Variants in PPP1R9A observed in about 807,000 individuals in gnomAD.
PPP1R9A encodes the protein neurabin-1.
In PPP1R9A, 59 loss-of-function variants were observed where a neutral mutation model predicts 141.9. The observed-to-expected ratio is 0.42, with a 90% confidence interval of 0.34 to 0.52. The LOEUF is 0.52. PPP1R9A is among the 20% of genes least tolerant of loss of function. The probability of loss-of-function intolerance (pLI) is 0.10; values close to 1 mark genes in which losing one functional copy is unlikely to be tolerated. For missense variants in PPP1R9A, 1,444 were observed against 1,611.9 expected (o/e 0.90, Z 1.78); for synonymous variants, 500 against 569.7 (o/e 0.88, Z 1.74).
intron 4 of PPP1R9A, among the ~76,000 whole-genome samples, chr7:95,151,078 G>A (rs1282587828): frequency 1.3e-5 from 2 of 152,212 alleles, no homozygotes; most frequent in African/African-American, 4.8e-5. Context: ...AAATGGTACA[G>A]CCACTCTGGG....
intron 12 of PPP1R9A, among the ~76,000 whole-genome samples, chr7:95,261,086 A>G (rs1038332847): frequency 1.5e-4 from 23 of 152,192 alleles, no homozygotes; most frequent in African/African-American, 5.3e-4. Flanking sequence ...ATCTAAAAGT[A>G]TGAAGGAGAA....
chr7:95,134,749 G>C (rs544536643), intron 4 of PPP1R9A, among the ~76,000 whole-genome samples: 2 of 152,250 alleles, frequency 1.3e-5, no homozygotes, highest in South Asian at 2.1e-4. Flanking sequence ...TTAGACTCTT[G>C]ATAAGTATTC....
At chr7:94,969,333 G>A (rs1798594440) in intron 2 of PPP1R9A, among the ~76,000 whole-genome samples, 1 of 152,054 alleles carries the variant, frequency 6.6e-6, no homozygotes, top group African/African-American at 2.4e-5. Context: ...TTTCTGTGTG[G>A]ACGTCCTTTT....
chr7:95,169,061 A>G (rs1280840900), intron 5 of PPP1R9A, among the ~76,000 whole-genome samples: 1 of 152,112 alleles, frequency 6.6e-6, no homozygotes, highest in Non-Finnish European at 1.5e-5. Flanking sequence ...AGAAATCAGT[A>G]TATCAAAGAG....
At chr7:94,994,482 A>G (rs1801909293) in intron 2 of PPP1R9A, among the ~76,000 whole-genome samples, 1 of 152,228 alleles carries the variant, frequency 6.6e-6, no homozygotes, top group Admixed American at 6.5e-5. Context: ...TTTTTAAAAA[A>G]TGTACTTTTT....
chr7:94,954,456 A>G (rs1213107968), intron 2 of PPP1R9A, among the ~76,000 whole-genome samples: 1 of 151,884 alleles, frequency 6.6e-6, no homozygotes, highest in African/African-American at 2.4e-5. Context: ...ACTTAAGTCT[A>G]TATGTTGGAT....
In PPP1R9A at chr7:94,910,879, A is replaced by C; in HGVS notation, c.766A>C (p.Asn256His). Residue 256 changes from asparagine to histidine, a missense_variant, in exon 2 of 20, where the codon AAT becomes CAT. Transcript: ENST00000433360. This position sits in a 1 kb window ranked among gnomAD's most constrained non-coding sequence, Gnocchi z 4.5. Reference sequence around the variant, plus strand: ...CACATTTGGTCACCTGAAGGATTCTAATTCCTGGCCTCCTTCAAACAAGCG... The same window carrying C: ...CACATTTGGTCACCTGAAGGATTCTCATTCCTGGCCTCCTTCAAACAAGCG... ...LDTFGHLKDS[N>H]SWPPSNKRGV... 6.2e-7 allele frequency: 1 copy of C among 1,614,016 alleles called. No homozygotes were observed. The highest frequency in any genetic ancestry group is 8.5e-7 in the Non-Finnish European group (1 of 1,180,022).
At chr7:95,247,768 C>T (rs1201729602) in intron 9 of PPP1R9A, among the ~76,000 whole-genome samples, 1 of 152,010 alleles carries the variant, frequency 6.6e-6, no homozygotes, top group Non-Finnish European at 1.5e-5. Flanking sequence ...CATATGTGGC[C>T]TCTGAGATTT....
At chr7:94,981,344 A>G (rs928854220) in intron 2 of PPP1R9A, among the ~76,000 whole-genome samples, 3 of 152,154 alleles carry the variant, frequency 2.0e-5, no homozygotes, top group Admixed American at 6.5e-5. Context: ...GGTTCAAGCA[A>G]TTCTCCTGCC....
chr7:95,080,278 A>G (rs912787483), intron 2 of PPP1R9A, among the ~76,000 whole-genome samples: 1 of 152,148 alleles, frequency 6.6e-6, no homozygotes, highest in South Asian at 2.1e-4. Context: ...AATCACAAGC[A>G]TTCTTATACA....
At chr7:94,943,948 C>G (rs942696524) in intron 2 of PPP1R9A, among the ~76,000 whole-genome samples, 3 of 152,016 alleles carry the variant, frequency 2.0e-5, no homozygotes, top group Admixed American at 6.6e-5. Flanking sequence ...TTGTTATTCC[C>G]TTTGTTTGTA....
At position 95,295,008 on chromosome 7, in the gene PPP1R9A, CAGTG is replaced by C. The variant is rs1447476186; in HGVS notation, c.*4709_*4712del. The C allele has an allele frequency of 6.6e-6, 1 of 152,616 alleles. No homozygotes were observed. Among genetic ancestry groups the C allele is most frequent in the Non-Finnish European group, 1.5e-5 (1 of 68,040 alleles). The allele number at this position is 152,616 out of a possible 1,614,324, so 9.5% of individuals were successfully genotyped here. A position where few individuals can be genotyped will look rare whatever the true frequency, so the allele number is the denominator to read the frequency against. The stretch of plus-strand genomic sequence containing the variant: ...AACCCCAAAACTGCTAGGGATTCAA[CAGTG>C]AGTAAGATGTATGCAATAAGAGAAC... On this transcript the variant is annotated 3_prime_UTR_variant, in exon 20 of 20. Transcript: ENST00000433360.
At chr7:95,238,852 CTTA>C (rs1171134293) in intron 8 of PPP1R9A, among the ~76,000 whole-genome samples, 5 of 152,266 alleles carry the variant, frequency 3.3e-5, no homozygotes, top group African/African-American at 1.2e-4. Context: ...GAACCTGTCT[CTTA>C]TTATGCCTTT....
intron 10 of PPP1R9A, 24 bp from the exon 11 acceptor site, chr7:95,251,738 C>T (rs1798899505): frequency 6.3e-7 from 1 of 1,589,828 alleles, no homozygotes; most frequent in Admixed American, 1.7e-5. Flanking sequence ...ATGATATAAT[C>T]AGAACTATTA....
intron 2 of PPP1R9A, among the ~76,000 whole-genome samples, chr7:94,956,157 A>T (rs960885279): frequency 6.6e-6 from 1 of 152,088 alleles, no homozygotes; most frequent in African/African-American, 2.4e-5. Flanking sequence ...TAATTTTCTC[A>T]GACAGCCCAT....
At chr7:95,278,389 G>A (rs946604199) in intron 16 of PPP1R9A, among the ~76,000 whole-genome samples, 2 of 151,982 alleles carry the variant, frequency 1.3e-5, no homozygotes, top group African/African-American at 4.8e-5. Flanking sequence ...TAATATTTTG[G>A]GTTTGGAGGG....
intron 2 of PPP1R9A, among the ~76,000 whole-genome samples, chr7:94,916,725 T>C (rs553899783): frequency 2.0e-5 from 3 of 152,156 alleles, no homozygotes; most frequent in Non-Finnish European, 4.4e-5. Context: ...TTTGCAAGTG[T>C]AAATTAATAA....
chr7:95,030,599 T>C (rs1477113020), intron 2 of PPP1R9A, among the ~76,000 whole-genome samples: 1 of 152,224 alleles, frequency 6.6e-6, no homozygotes, highest in Non-Finnish European at 1.5e-5. Flanking sequence ...TGAGTTTTCC[T>C]GTCCAAGTGT....
intron 2 of PPP1R9A, among the ~76,000 whole-genome samples, chr7:95,104,384 T>G (rs1819223115): frequency 6.6e-6 from 1 of 152,170 alleles, no homozygotes; most frequent in Non-Finnish European, 1.5e-5. Flanking sequence ...AAATCTGGGA[T>G]TTTAGAGTTT....
Sources: allele counts gnomAD v4.1 joint callset (sites outside exome capture counted in the v4.1 genomes callset), GRCh38; gene constraint gnomAD v4.1.1; non-coding constraint Gnocchi (gnomAD v3.1); transcripts MANE v1.5; gene names NCBI Gene and HGNC (gene_info 2026-07-23, HGNC 2026-07-21).